CTNNA2: variants seen among roughly 807,000 people sequenced by gnomAD.
CTNNA2 encodes catenin alpha-2.
In CTNNA2, 42 loss-of-function variants were observed where a neutral mutation model predicts 101.0. The observed-to-expected ratio is 0.42, with a 90% CI of 0.32 to 0.54. The LOEUF (loss-of-function observed/expected upper bound fraction) is 0.54. Among genes scored for constraint, CTNNA2 ranks in the 20% least tolerant of loss-of-function variants. The pLI, the probability that CTNNA2 is intolerant of heterozygous loss-of-function variation, is 0.14. For missense variants in CTNNA2, 871 were observed against 1,223.1 expected (o/e 0.71, Z 4.29); for synonymous variants, 450 against 456.4 (o/e 0.99, Z 0.18).
intron 3 of CTNNA2, among the ~76,000 whole-genome samples, chr2:79,343,748 A>G (rs1354040116): frequency 4.6e-5 from 7 of 150,924 alleles, no homozygotes; most frequent in Admixed American, 4.6e-4. Context: ...TATTATTATT[A>G]TTATTATTAT....
intron 1 of CTNNA2, among the ~76,000 whole-genome samples, chr2:79,558,105 A>C (rs1244393615): frequency 6.6e-6 from 1 of 151,918 alleles, no homozygotes; most frequent in African/African-American, 2.4e-5. Context: ...GTTCTGCATA[A>C]ATTTTTCTAA....
intron 2 of CTNNA2, among the ~76,000 whole-genome samples, chr2:79,718,628 C>G (rs879459053): frequency 6.6e-6 from 1 of 152,140 alleles, no homozygotes; most frequent in African/African-American, 2.4e-5. Flanking sequence ...TTGGATTACC[C>G]TTGTTGTCTT....
chr2:79,187,265 C>CTTTTTTTTTTTTTTTTTTTT (rs1156460356), intron 1 of CTNNA2, among the ~76,000 whole-genome samples: 3 of 83,404 alleles, frequency 3.6e-5, no homozygotes, highest in African/African-American at 5.8e-5. Context: ...CTTTTCTTTT[C>CTTTTTTTTTTTTTTTTTTTT]TTTTCTTTTT....
At chr2:79,948,969 A>AAAATAAAT (rs1421612926) in intron 7 of CTNNA2, among the ~76,000 whole-genome samples, 11 of 152,034 alleles carry the variant, frequency 7.2e-5, no homozygotes, top group African/African-American at 2.4e-4. Context: ...CTCCGTCTCA[A>AAAATAAAT]AAATAAATAA....
At chr2:79,199,789 A>G (rs1572975271) in intron 2 of CTNNA2, among the ~76,000 whole-genome samples, 1 of 152,138 alleles carries the variant, frequency 6.6e-6, no homozygotes, top group Admixed American at 6.5e-5. Flanking sequence ...TAGAACTTAG[A>G]CTCCTAAATT....
chr2:80,475,478 A>G (rs1685654145), intron 9 of CTNNA2, among the ~76,000 whole-genome samples: 1 of 152,198 alleles, frequency 6.6e-6, no homozygotes, highest in South Asian at 2.1e-4. Flanking sequence ...TTTGATAAGT[A>G]AAGGACTGGA....
At chr2:79,706,788 G>A (rs1320953561) in intron 2 of CTNNA2, among the ~76,000 whole-genome samples, 1 of 152,116 alleles carries the variant, frequency 6.6e-6, no homozygotes, top group East Asian at 1.9e-4. Flanking sequence ...CAGACATTGA[G>A]TGGGCATTCT....
intron 1 of CTNNA2, among the ~76,000 whole-genome samples, chr2:79,598,571 A>T (rs1677349056): frequency 6.6e-6 from 1 of 152,228 alleles, no homozygotes; most frequent in Non-Finnish European, 1.5e-5. Flanking sequence ...GATGTGGAGC[A>T]TCTTTTCATA....
intron 6 of CTNNA2, among the ~76,000 whole-genome samples, chr2:79,875,464 A>C (rs1424674787): frequency 6.6e-6 from 1 of 152,212 alleles, no homozygotes; most frequent in African/African-American, 2.4e-5. Flanking sequence ...AAAATAGGTT[A>C]CTTAATGGTC....
chr2:79,450,432 A>G (rs1243432275), intron 4 of CTNNA2, among the ~76,000 whole-genome samples: 1 of 151,996 alleles, frequency 6.6e-6, no homozygotes, highest in East Asian at 1.9e-4. Flanking sequence ...GTAATAAACC[A>G]AGGCATTGTC....
intron 1 of CTNNA2, among the ~76,000 whole-genome samples, chr2:79,568,975 A>G (rs1402784756): frequency 6.6e-6 from 1 of 151,778 alleles, no homozygotes; most frequent in Non-Finnish European, 1.5e-5. Flanking sequence ...TAAAGGTTGC[A>G]GTGAGGTGAG....
chr2:79,207,349 C>A (rs1674112416), intron 2 of CTNNA2, among the ~76,000 whole-genome samples: 1 of 152,184 alleles, frequency 6.6e-6, no homozygotes, highest in African/African-American at 2.4e-5. Flanking sequence ...ACCACCACCT[C>A]TTTAACCTAA....
At chr2:80,090,851 G>A (rs1232988356) in intron 7 of CTNNA2, among the ~76,000 whole-genome samples, 1 of 152,020 alleles carries the variant, frequency 6.6e-6, no homozygotes, top group Non-Finnish European at 1.5e-5. Flanking sequence ...GTTTTTATAT[G>A]TAGCTCTATC....
intron 2 of CTNNA2, among the ~76,000 whole-genome samples, chr2:79,719,247 A>G (rs566966662): frequency 7.2e-5 from 11 of 152,132 alleles, no homozygotes; most frequent in African/African-American, 2.2e-4. Context: ...ACAGGATTTC[A>G]TTGTTTTTAT....
intron 2 of CTNNA2, among the ~76,000 whole-genome samples, chr2:79,208,736 G>T (rs1674132454): frequency 1.3e-5 from 2 of 152,156 alleles, no homozygotes; most frequent in South Asian, 4.1e-4. Flanking sequence ...ATCCTTCTCA[G>T]TACAGCTGTG....
chr2:80,521,325 T>C (rs1689528168), intron 9 of CTNNA2, among the ~76,000 whole-genome samples: 1 of 152,142 alleles, frequency 6.6e-6, no homozygotes, highest in African/African-American at 2.4e-5. Flanking sequence ...AGTCTTTATT[T>C]CCAAACAAAA....
intron 2 of CTNNA2, among the ~76,000 whole-genome samples, chr2:79,280,860 T>TC (rs1244677311): frequency 6.6e-6 from 1 of 151,932 alleles, no homozygotes; most frequent in African/African-American, 2.4e-5. Context: ...CTACCCTGAC[T>TC]CCTTTGCCCA....
intron 1 of CTNNA2, among the ~76,000 whole-genome samples, chr2:79,561,897 A>G (rs1674806191): frequency 6.6e-6 from 1 of 151,696 alleles, no homozygotes; most frequent in African/African-American, 2.4e-5. Context: ...ATTTTCTTCC[A>G]TTCTGTGAAA....
intron 9 of CTNNA2, among the ~76,000 whole-genome samples, chr2:80,438,002 T>C (rs2149436950): frequency 6.9e-6 from 1 of 145,728 alleles, no homozygotes; most frequent in African/African-American, 2.7e-5. Context: ...AGAGCAAAAC[T>C]CTGTCTCAAA....
Sources: gnomAD v4.1 joint callset for allele counts (sites outside exome capture counted in the v4.1 genomes callset) on GRCh38, gnomAD v4.1.1 for gene constraint, MANE v1.5 for transcripts, NCBI Gene and HGNC (gene_info 2026-07-23, HGNC 2026-07-21) for gene names.